Variants in DHRSX observed in about 807,000 individuals in gnomAD.
DHRSX encodes the protein dehydrogenase/reductase X-linked.
In DHRSX, 31 loss-of-function variants were observed where a neutral mutation model predicts 34.0. The ratio of observed to expected loss-of-function variants is 0.91; its 90% confidence interval spans 0.69 to 1.23. DHRSX has a LOEUF of 1.23. Ranked by LOEUF, DHRSX falls within the 50% of genes most tolerant of loss-of-function variation. DHRSX has a pLI of 0.00. For missense variants in DHRSX, 414 were observed against 428.1 expected (o/e 0.97, Z 0.29); for synonymous variants, 201 against 183.8 (o/e 1.09, Z -0.76).
intron 6 of DHRSX, among the ~76,000 whole-genome samples, chrX:2,225,669 G>A (rs1300327278): frequency 6.6e-6 from 1 of 150,658 alleles, no homozygotes; most frequent in Non-Finnish European, 1.5e-5. Flanking sequence ...AGCCAGAACT[G>A]GACTAAGACA....
intron 3 of DHRSX, among the ~76,000 whole-genome samples, chrX:2,383,440 A>C (rs768399558): frequency 6.6e-6 from 1 of 151,728 alleles, no homozygotes; most frequent in Non-Finnish European, 1.5e-5. Flanking sequence ...AGTCATTACT[A>C]TATCACCATC....
At chrX:2,498,201 G>A (rs937110358) in intron 1 of DHRSX, among the ~76,000 whole-genome samples, 1 of 152,208 alleles carries the variant, frequency 6.6e-6, no homozygotes, top group Admixed American at 6.6e-5. Flanking sequence ...TCCTTTGTAC[G>A]ATACCTAAGA....
At chrX:2,249,511 G>GC (rs2016383281) in intron 5 of DHRSX, among the ~76,000 whole-genome samples, 2 of 106,754 alleles carry the variant, frequency 1.9e-5, no homozygotes, top group Admixed American at 9.8e-5. Context: ...CCCTTTTTGT[G>GC]CCTTTTTTTT....
At chrX:2,391,719 A>G (rs2124621669) in intron 3 of DHRSX, among the ~76,000 whole-genome samples, 1 of 152,308 alleles carries the variant, frequency 6.6e-6, no homozygotes, top group South Asian at 2.1e-4. Context: ...TGAGGTCAGG[A>G]GTTCGAGACC....
rs755844988 is a variant in DHRSX at position 2,303,845 on chromosome X, A to ATGGATGGG, written c.287-12250_287-12243dup. 3.9e-3 allele frequency among the ~76,000 whole-genome samples: 362 copies of ATGGATGGG among 93,604 alleles called. 1 individual carries two copies. The highest frequency in any genetic ancestry group is 6.5e-3 in the Non-Finnish European group (309 of 47,478). The allele number at this position is 93,604 out of a possible 152,430, so 61.4% of individuals were successfully genotyped here. ...GATGGGTGGGTGGATGGATGGATGG[A>ATGGATGGG]TGGATGGGTGGATGGGTGGATGGGT... On this transcript the variant is annotated intron_variant, in intron 3 of 6. Coordinates refer to ENST00000334651, the MANE Select transcript of DHRSX (RefSeq NM_145177.3).
intron 1 of DHRSX, among the ~76,000 whole-genome samples, chrX:2,467,382 G>T (rs2044512503): frequency 6.6e-6 from 1 of 152,084 alleles, no homozygotes; most frequent in Non-Finnish European, 1.5e-5. Context: ...TTTGTTCACA[G>T]CCGTGATTAA....
intron 3 of DHRSX, among the ~76,000 whole-genome samples, chrX:2,342,582 G>A (rs1218448610): frequency 6.6e-6 from 1 of 152,182 alleles, no homozygotes; most frequent in Non-Finnish European, 1.5e-5. Flanking sequence ...AAGCATGTGA[G>A]TGGCTAGTTT....
At chrX:2,500,727 G>T in intron 1 of DHRSX, 90 bp downstream of exon 1, 1 of 454,634 alleles carries the variant, frequency 2.2e-6, no homozygotes, top group African/African-American at 2.3e-5. Context: ...GCCTCGCCAA[G>T]GTCACGCGGA....
At chrX:2,482,706 A>G (rs1416734690) in intron 1 of DHRSX, among the ~76,000 whole-genome samples, 2 of 152,244 alleles carry the variant, frequency 1.3e-5, no homozygotes, top group Non-Finnish European at 2.9e-5. Context: ...GAAGCAATTT[A>G]AATTCTAGAA....
intron 1 of DHRSX, chrX:2,490,263 G>T: frequency 1.2e-6 from 2 of 1,613,834 alleles, no homozygotes; most frequent in Non-Finnish European, 1.7e-6. Context: ...GCCGTCTTCA[G>T]CAGCACCTTG....
At chrX:2,426,509 T>C in intron 1 of DHRSX, among the ~76,000 whole-genome samples, 1 of 141,878 alleles carries the variant, frequency 7.0e-6, no homozygotes, top group South Asian at 2.6e-4. Flanking sequence ...CTTCATTCCT[T>C]CCTTCCCTCC....
At chrX:2,400,401 G>A (rs996881248) in intron 3 of DHRSX, among the ~76,000 whole-genome samples, 1 of 152,170 alleles carries the variant, frequency 6.6e-6, no homozygotes, top group Non-Finnish European at 1.5e-5. Flanking sequence ...CCCAAGATAT[G>A]TCTGCCTCCT....
chrX:2,337,165 C>T (rs141683233), intron 3 of DHRSX, among the ~76,000 whole-genome samples: 1 of 152,098 alleles, frequency 6.6e-6, no homozygotes, highest in Non-Finnish European at 1.5e-5. Flanking sequence ...TAATGACATG[C>T]CCAAGTCCTA....
intron 2 of DHRSX, among the ~76,000 whole-genome samples, chrX:2,420,280 C>A (rs1457756015): frequency 6.6e-6 from 1 of 151,868 alleles, no homozygotes; most frequent in South Asian, 2.1e-4. Context: ...TGCTGGCACG[C>A]GCCTGTAATC....
chrX:2,300,460 G>A (rs1395382830), intron 3 of DHRSX, among the ~76,000 whole-genome samples: 2 of 152,110 alleles, frequency 1.3e-5, no homozygotes, highest in Non-Finnish European at 2.9e-5. Context: ...GTGAGGGTGT[G>A]GCCAAACAAG....
intron 4 of DHRSX, among the ~76,000 whole-genome samples, chrX:2,275,997 C>G (rs2041629281): frequency 6.6e-6 from 1 of 152,058 alleles, no homozygotes; most frequent in Non-Finnish European, 1.5e-5. Flanking sequence ...GTGTATGCTA[C>G]TATGCCCAGC....
chrX:2,478,191 T>C (rs188793739), intron 1 of DHRSX, among the ~76,000 whole-genome samples: 13,992 of 152,100 alleles, frequency 0.092, 862 homozygotes, highest in South Asian at 0.28. Flanking sequence ...ATGAATGCGG[T>C]CAGCACGGTG....
intron 3 of DHRSX, among the ~76,000 whole-genome samples, chrX:2,311,156 C>T (rs1214516605): frequency 3.3e-5 from 5 of 150,018 alleles, no homozygotes; most frequent in Admixed American, 3.3e-4. Context: ...AGAGGAGAGA[C>T]ACAGAGAAAG....
At chrX:2,402,252 C>T (rs1355378080) in intron 3 of DHRSX, among the ~76,000 whole-genome samples, 7 of 152,218 alleles carry the variant, frequency 4.6e-5, no homozygotes, top group East Asian at 1.9e-4. Context: ...AGAGCAAGAA[C>T]GAAACAGCAC....
Sources: allele counts gnomAD v4.1 joint callset (sites outside exome capture counted in the v4.1 genomes callset), GRCh38; gene constraint gnomAD v4.1.1; transcripts MANE v1.5; gene names NCBI Gene and HGNC (gene_info 2026-07-23, HGNC 2026-07-21).